The following USP40 variants were observed in gnomAD, a reference collection of about 807,000 sequenced individuals.
USP40 encodes ubiquitin carboxyl-terminal hydrolase 40.
In USP40, 143 loss-of-function variants were observed where a neutral mutation model predicts 166.2. That is an observed-to-expected ratio of 0.86 (90% CI 0.75 to 0.99). The LOEUF is 0.99. Among genes scored for constraint, USP40 ranks in the 50% least tolerant of loss-of-function variants. The probability of loss-of-function intolerance (pLI) is 0.00; values close to 1 mark genes in which losing one functional copy is unlikely to be tolerated. For synonymous variants in USP40, 498 were observed against 524.0 expected (o/e 0.95, Z 0.68); for missense variants, 1,444 against 1,479.7 (o/e 0.98, Z 0.40).
chr2:233,482,594 T>G (rs1209959380), intron 30 of USP40, among the ~76,000 whole-genome samples: 3 of 138,906 alleles, frequency 2.2e-5, no homozygotes, highest in East Asian at 4.2e-4. Context: ...TTTTTTTTTT[T>G]GTTTTTTTTT....
intron 18 of USP40, among the ~76,000 whole-genome samples, chr2:233,518,845 C>A (rs1027593633): frequency 3.9e-5 from 6 of 152,058 alleles, no homozygotes; most frequent in Non-Finnish European, 8.8e-5. Flanking sequence ...AAAGTAGAGA[C>A]AATCCAAATG....
At position 233,551,391 on chromosome 2, in the gene USP40, C is replaced by T; in HGVS notation, c.822G>A (p.Lys274=). The change falls in exon 7 of 32, where the codon AAG becomes AAA. Residue 274 remains lysine (K), a synonymous_variant. Coordinates refer to ENST00000678225, the MANE Select transcript of USP40 (RefSeq NM_001365479.2). ...TAGTTCAAACCTGTTCACAAAAGGG[C>T]TTGAGATTAATCCGGAGAGGGAATG... ...CYTFPLRINL[K]PFCEQSELDD... 6.2e-7 allele frequency: 1 copy of T among 1,605,162 alleles called. No individual in the cohort carries two copies. Among genetic ancestry groups the T allele is most frequent in the Non-Finnish European group, 8.5e-7 (1 of 1,177,168 alleles).
chr2:233,485,948 A>G lies in USP40; in HGVS notation c.3227T>C (p.Val1076Ala). ...ATAGGTCCTCTCACCAGGGATGCGC[A>G]CCTGTGTCCTCAGCAGCACGTCCTG... ...GPQDVLLRTQ[V>A]RIPGERTYAP... The change falls in exon 29 of 32, where the codon GTG becomes GCG. Residue 1076 changes from valine (V) to alanine (A), a missense_variant. Transcript: ENST00000678225. The G allele has an allele frequency of 6.3e-7, 1 of 1,590,930 alleles. No individual in the cohort carries two copies. The highest frequency in any genetic ancestry group is 1.2e-5 in the South Asian group (1 of 86,542).
chr2:233,536,228 T>A (rs1242838265), intron 10 of USP40, among the ~76,000 whole-genome samples: 1 of 152,020 alleles, frequency 6.6e-6, no homozygotes, highest in African/African-American at 2.4e-5. Flanking sequence ...ATGAATAGAA[T>A]GGGTAAAGAG....
chr2:233,475,913 T>C lies in USP40; in HGVS notation c.*1479A>G, dbSNP rs1287860218. On this transcript the variant is annotated 3_prime_UTR_variant, in exon 32 of 32. Transcript: ENST00000678225. The stretch of plus-strand genomic sequence containing the variant: ...GCTCTGGCGTCATCAGAAGCCTCTA[T>C]CATCTCCCTCTGCAAAGACGCAGTC... 1 of 152,398 alleles carries C rather than the reference T, an allele frequency of 6.6e-6. No individual in the cohort carries two copies. Among genetic ancestry groups the C allele is most frequent in the Non-Finnish European group, 1.5e-5 (1 of 68,060 alleles). 9.4% of individuals were successfully genotyped at this position (152,398 alleles called of 1,614,324 possible). A position where few individuals can be genotyped will look rare whatever the true frequency, so the allele number is the denominator to read the frequency against.
In USP40 at chr2:233,519,656, G is replaced by T. The variant is rs566859361; in HGVS notation, c.2341C>A (p.Arg781=). The change falls in exon 18 of 32, where the codon CGA becomes AGA. Residue 781 remains arginine, a synonymous_variant. Transcript: ENST00000678225. Reference sequence around the variant, plus strand: ...TTTAATTCCTTTATGGCTTTAATTCGAATATCAAACACCATCTAAAACAGA... The same window carrying T: ...TTTAATTCCTTTATGGCTTTAATTCTAATATCAAACACCATCTAAAACAGA... ...ATVNTMVFDI[R]IKAIKELKLM... The T allele has an allele frequency of 2.8e-6, 4 of 1,420,182 alleles. No individual in the cohort carries two copies. Among genetic ancestry groups the T allele is most frequent in the Non-Finnish European group, 3.9e-6 (4 of 1,035,192 alleles). The allele number at this position is 1,420,182 out of a possible 1,614,324, so 88.0% of individuals were successfully genotyped here.
intron 9 of USP40, among the ~76,000 whole-genome samples, 194 bp from the exon 10 acceptor site, chr2:233,540,963 G>A (rs889303219): frequency 6.6e-6 from 1 of 152,114 alleles, no homozygotes; most frequent in African/African-American, 2.4e-5. Context: ...GAGAAAACTT[G>A]GATTTTTGCC....
chr2:233,515,154 G>A (rs957541180), intron 18 of USP40, among the ~76,000 whole-genome samples: 9 of 152,126 alleles, frequency 5.9e-5, no homozygotes, highest in African/African-American at 2.2e-4. Flanking sequence ...TCATCCATTC[G>A]CCTGCTCATG....
In USP40 at chr2:233,534,476, A is replaced by T. The variant is rs187404563; in HGVS notation, c.1171-697T>A. On this transcript the variant is annotated intron_variant, in intron 10 of 31. Coordinates refer to ENST00000678225, the MANE Select transcript of USP40 (RefSeq NM_001365479.2). The stretch of plus-strand genomic sequence containing the variant: ...CAGCCTAATTTACTTTATATAGAAA[A>T]TTACTTGGGAGTTAAATTTGACACT... Among the ~76,000 whole-genome samples the T allele has an allele frequency of 1.4e-4, 22 of 152,268 alleles. No individual in the cohort carries two copies. The East Asian group carries it at 4.2e-3, about 29-fold the overall frequency.
chr2:233,531,531 C>CT (rs1408870635), intron 11 of USP40, among the ~76,000 whole-genome samples: 2 of 152,166 alleles, frequency 1.3e-5, no homozygotes, highest in African/African-American at 4.8e-5. Context: ...TGAAGATATT[C>CT]TTTTTCTGAT....
intron 13 of USP40, among the ~76,000 whole-genome samples, chr2:233,525,773 G>C (rs894754102): frequency 6.6e-6 from 1 of 152,156 alleles, no homozygotes; most frequent in African/African-American, 2.4e-5. Context: ...CCATTCCTGA[G>C]TGAAGAATTC....
intron 20 of USP40, 60 bp from the exon 21 acceptor site, chr2:233,510,195 T>C: frequency 1.5e-6 from 2 of 1,299,286 alleles, no homozygotes; most frequent in Non-Finnish European, 2.1e-6. Context: ...CCAATAAATG[T>C]ATTATTTACT....
intron 10 of USP40, among the ~76,000 whole-genome samples, chr2:233,534,576 G>A (rs1213359029): frequency 6.6e-6 from 1 of 152,186 alleles, no homozygotes; most frequent in African/African-American, 2.4e-5. Context: ...TTGTGGTAAT[G>A]TCAACTCTCT....
intron 10 of USP40, among the ~76,000 whole-genome samples, chr2:233,540,359 TC>T (rs2069292560): frequency 6.6e-6 from 1 of 152,074 alleles, no homozygotes; most frequent in African/African-American, 2.4e-5. Context: ...GTGTAAAAAA[TC>T]AAGTGAAATC....
chr2:233,534,619 G>T (rs1233386774), intron 10 of USP40, among the ~76,000 whole-genome samples: 3 of 152,186 alleles, frequency 2.0e-5, no homozygotes, highest in East Asian at 3.9e-4. Flanking sequence ...TCAACAAACA[G>T]AAGAGTGTAG....
intron 2 of USP40, among the ~76,000 whole-genome samples, chr2:233,564,395 A>G (rs569790195): frequency 5.3e-4 from 81 of 152,248 alleles, no homozygotes; most frequent in Admixed American, 2.3e-3. Flanking sequence ...AAGGCAAAGT[A>G]ATGTTCACAC....
intron 11 of USP40, 137 bp downstream of exon 11, chr2:233,533,342 T>A (rs991680215): frequency 1.8e-5 from 16 of 872,122 alleles, no homozygotes; most frequent in Non-Finnish European, 2.7e-5. Context: ...CATAATATAG[T>A]TCTTGTTAGC....
chr2:233,503,234 A>C (rs1179514449), intron 21 of USP40, among the ~76,000 whole-genome samples: 1 of 152,220 alleles, frequency 6.6e-6, no homozygotes, highest in African/African-American at 2.4e-5. Flanking sequence ...GAATAAAAAG[A>C]ATTAACAATT....
At chr2:233,548,079 A>G (rs1319162698) in intron 8 of USP40, among the ~76,000 whole-genome samples, 1 of 152,210 alleles carries the variant, frequency 6.6e-6, no homozygotes, top group Non-Finnish European at 1.5e-5. Flanking sequence ...AAAAATGAAG[A>G]GTAGACATAA....
Sources: gnomAD v4.1 joint callset for allele counts (sites outside exome capture counted in the v4.1 genomes callset) on GRCh38, gnomAD v4.1.1 for gene constraint, MANE v1.5 for transcripts, NCBI Gene and HGNC (gene_info 2026-07-23, HGNC 2026-07-21) for gene names.